Variants in ARNT2 observed in about 807,000 individuals in gnomAD.
The protein encoded by ARNT2 is aryl hydrocarbon receptor nuclear translocator 2.
Under a neutral mutation model 91.7 loss-of-function variants are expected in ARNT2, and 36 were observed. That is an observed-to-expected ratio of 0.39 (90% confidence interval 0.30 to 0.52). ARNT2 has a LOEUF of 0.52. Ranked by LOEUF, ARNT2 falls within the 20% of genes least tolerant of loss-of-function variation. The probability of loss-of-function intolerance (pLI) is 0.72; values close to 1 mark genes in which losing one functional copy is unlikely to be tolerated. For synonymous variants in ARNT2, 365 were observed against 347.1 expected, an observed-to-expected ratio of 1.05 and a Z score of -0.57; for missense variants, 775 against 939.3, an observed-to-expected ratio of 0.83 and a Z score of 2.29.
chr15:80,522,930 C>T (rs887015422), intron 8 of ARNT2, among the ~76,000 whole-genome samples: 5 of 151,746 alleles, frequency 3.3e-5, no homozygotes, highest in Non-Finnish European at 5.9e-5. Context: ...TCAAGGATGG[C>T]GATCCTAAGA....
chr15:80,407,643 T>C (rs368910965), intron 1 of ARNT2, among the ~76,000 whole-genome samples: 1 of 152,194 alleles, frequency 6.6e-6, no homozygotes, highest in East Asian at 1.9e-4. Flanking sequence ...CTTTTCTCTC[T>C]GGCCAGGAAT....
intron 5 of ARNT2, among the ~76,000 whole-genome samples, chr15:80,480,348 G>T (rs1383249366): frequency 3.9e-5 from 6 of 152,040 alleles, no homozygotes; most frequent in Non-Finnish European, 8.8e-5. Context: ...AGCAGGGGCC[G>T]CCCAAGGGAG....
At chr15:80,459,085 T>C (rs1310505584) in intron 3 of ARNT2, among the ~76,000 whole-genome samples, 2 of 152,210 alleles carry the variant, frequency 1.3e-5, no homozygotes, top group Non-Finnish European at 2.9e-5. Flanking sequence ...AACAGGGACA[T>C]GCATCTCCTT....
rs146171364 is a variant in ARNT2, at chr15:80,513,709, T to C, written c.726-202T>C. ...TGTTGTAATGTGGGTCACACTCTCCTTTCTTCAGTCACAAAAAAAAAAAAA... is the reference window on the plus strand; with the variant it reads ...TGTTGTAATGTGGGTCACACTCTCCCTTCTTCAGTCACAAAAAAAAAAAAA... On this transcript the variant is annotated intron_variant, in intron 6 of 18. Transcript: ENST00000303329. Among the ~76,000 whole-genome samples the C allele has an allele frequency of 6.7e-3, 923 of 138,562 alleles. 12 individuals carry two copies. Among genetic ancestry groups the C allele is most frequent in the African/African-American group, 0.025 (878 of 35,534 alleles). 90.9% of individuals were successfully genotyped at this position (138,562 alleles called of 152,430 possible).
intron 5 of ARNT2, among the ~76,000 whole-genome samples, chr15:80,476,465 CAA>C (rs1212578969): frequency 1.3e-5 from 2 of 152,224 alleles, no homozygotes; most frequent in Middle Eastern, 3.2e-3. Context: ...ATTGTTGAAA[CAA>C]GAGTTATAGA....
intron 1 of ARNT2, among the ~76,000 whole-genome samples, chr15:80,409,999 AT>A (rs1438205514): frequency 1.3e-5 from 2 of 152,156 alleles, no homozygotes; most frequent in Admixed American, 1.3e-4. Context: ...CTGAGACTTC[AT>A]TTTTAAAAAG....
chr15:80,510,592 AGGCCAAGGCGGGCAGATCACG>A (rs376312380), intron 6 of ARNT2, among the ~76,000 whole-genome samples: 42,881 of 131,128 alleles, frequency 0.33, 8,163 homozygotes, highest in Non-Finnish European at 0.41. Context: ...GCATTTTGGG[AGGCCAAGGCGGGCAGATCACG>A]AGGTCAAGAG....
intron 12 of ARNT2, among the ~76,000 whole-genome samples, chr15:80,566,298 A>G (rs1207291045): frequency 6.6e-6 from 1 of 151,958 alleles, no homozygotes; most frequent in Non-Finnish European, 1.5e-5. Context: ...ACAAACAGAG[A>G]CACCAGGACC....
intron 1 of ARNT2, among the ~76,000 whole-genome samples, chr15:80,414,231 C>T (rs1449441672): frequency 1.3e-5 from 2 of 152,228 alleles, no homozygotes; most frequent in Non-Finnish European, 2.9e-5. Context: ...GGTTGCCACA[C>T]CTCCAGGGAG....
chr15:80,405,900 GAGAC>G (rs887125513), intron 1 of ARNT2, among the ~76,000 whole-genome samples: 69 of 149,404 alleles, frequency 4.6e-4, no homozygotes, highest in African/African-American at 1.5e-3. Flanking sequence ...AAGAGAGAGA[GAGAC>G]AGAGAGAGAG....
At chr15:80,520,754 G>GA (rs1403393267) in intron 8 of ARNT2, among the ~76,000 whole-genome samples, 3 of 151,998 alleles carry the variant, frequency 2.0e-5, no homozygotes, top group African/African-American at 7.3e-5. Context: ...TAAAGCTAGG[G>GA]AAAAAAATCT....
intron 1 of ARNT2, 130 bp from the exon 2 acceptor site, chr15:80,450,750 G>C: frequency 1.2e-6 from 1 of 864,122 alleles, no homozygotes; most frequent in Non-Finnish European, 1.9e-6. Flanking sequence ...GATGATGGCA[G>C]AGCGGCCGCA....
At chr15:80,425,581 T>G (rs928654670) in intron 1 of ARNT2, among the ~76,000 whole-genome samples, 2 of 152,166 alleles carry the variant, frequency 1.3e-5, no homozygotes, top group Non-Finnish European at 1.5e-5. Context: ...TTTGTTTTTA[T>G]TTTTTCCAAA....
At chr15:80,474,557 C>G (rs755754536) in intron 4 of ARNT2, among the ~76,000 whole-genome samples, 1 of 152,216 alleles carries the variant, frequency 6.6e-6, no homozygotes, top group Non-Finnish European at 1.5e-5. Flanking sequence ...GACACGTGGT[C>G]TCTTTCGTTC....
At chr15:80,458,423 T>A (rs1034318302) in intron 3 of ARNT2, among the ~76,000 whole-genome samples, 4 of 152,090 alleles carry the variant, frequency 2.6e-5, no homozygotes, top group African/African-American at 9.7e-5. Flanking sequence ...ATTGCTACCA[T>A]GGAAAATAAG....
intron 5 of ARNT2, among the ~76,000 whole-genome samples, chr15:80,505,927 G>GTTTTTGTTTTTTTTTT (rs1897267225): frequency 1.1e-5 from 1 of 88,930 alleles, no homozygotes; most frequent in Non-Finnish European, 2.2e-5. Context: ...AACATTTGTT[G>GTTTTTGTTTTTTTTTT]TTTTTTTTTT....
chr15:80,484,839 G>T (rs1896943743), intron 5 of ARNT2, among the ~76,000 whole-genome samples: 1 of 152,202 alleles, frequency 6.6e-6, no homozygotes, highest in Admixed American at 6.5e-5. Flanking sequence ...GGGGTGTAGG[G>T]AGGCAGCGGG....
chr15:80,586,350 A>T (rs1315981108), intron 17 of ARNT2, among the ~76,000 whole-genome samples: 1 of 152,126 alleles, frequency 6.6e-6, no homozygotes. Context: ...GTCTCAGTTT[A>T]GGGTGAGGTC....
At chr15:80,433,479 T>C (rs911501985) in intron 1 of ARNT2, among the ~76,000 whole-genome samples, 5 of 151,634 alleles carry the variant, frequency 3.3e-5, no homozygotes, top group African/African-American at 1.2e-4. Context: ...AGAGACGAGG[T>C]TTCACCATGT....
Sources: gnomAD v4.1 joint callset for allele counts (sites outside exome capture counted in the v4.1 genomes callset) on GRCh38, gnomAD v4.1.1 for gene constraint, MANE v1.5 for transcripts, NCBI Gene and HGNC (gene_info 2026-07-23, HGNC 2026-07-21) for gene names.